Variants in FBXW7 observed in about 807,000 individuals in gnomAD.
FBXW7 encodes F-box and WD repeat domain containing 7.
FBXW7 carries 11 observed loss-of-function variants against 86.3 expected under a neutral mutation model. The ratio of observed to expected loss-of-function variants is 0.13; its 90% CI spans 0.08 to 0.21. The LOEUF is 0.21. FBXW7 is among the 10% of genes least tolerant of loss of function. The pLI is 1.00. For synonymous variants in FBXW7, 313 were observed against 297.9 expected (o/e 1.05, Z -0.52); for missense variants, 488 against 847.4 (o/e 0.58, Z 5.27).
chr4:152,457,943 A>C (rs546496254), intron 2 of FBXW7, among the ~76,000 whole-genome samples: 1 of 152,090 alleles, frequency 6.6e-6, no homozygotes, highest in South Asian at 2.1e-4. Context: ...CTACTAAAAA[A>C]AAAAAAAGTT....
intron 2 of FBXW7, among the ~76,000 whole-genome samples, chr4:152,507,270 T>C (rs1190918522): frequency 1.3e-5 from 2 of 152,174 alleles, no homozygotes; most frequent in Admixed American, 1.3e-4. Flanking sequence ...TTAAAAAAAC[T>C]TCTGAGATCA....
At chr4:152,352,635 C>T (rs1731935127) in intron 4 of FBXW7, 2 of 1,613,528 alleles carry the variant, frequency 1.2e-6, no homozygotes, top group Non-Finnish European at 8.5e-7. Context: ...TGCTCAGGCA[C>T]GTCAGAAAAG....
intron 4 of FBXW7, among the ~76,000 whole-genome samples, chr4:152,371,637 AT>A (rs1734013272): frequency 1.3e-5 from 2 of 152,022 alleles, no homozygotes; most frequent in African/African-American, 4.8e-5. Flanking sequence ...AAAGTGTATA[AT>A]TTAATAAAGG....
Position 152,332,956 on chromosome 4 carries a change from C to T in FBXW7, c.862-237G>A, listed in dbSNP as rs576126161. Among the ~76,000 whole-genome samples, 21 of 152,078 alleles carry T rather than the reference C, an allele frequency of 1.4e-4. No individual in the cohort carries two copies. The South Asian group carries it at 1.9e-3, about 14-fold the overall frequency. On this transcript the variant is annotated intron_variant, in intron 7 of 13. Coordinates refer to ENST00000281708, the MANE Select transcript of FBXW7 (RefSeq NM_001349798.2). ...ACTAACTCTTTACCCTCTTCAAGGA[C>T]TACTTATTAAACCTCTCTGTCTCTG...
chr4:152,346,727 G>T, intron 6 of FBXW7: 1 of 572,142 alleles, frequency 1.7e-6, no homozygotes, highest in Non-Finnish European at 2.9e-6. Flanking sequence ...TGTCTCTATG[G>T]ATTTGCCTAT....
chr4:152,435,608 T>C (rs1288592500), intron 2 of FBXW7, among the ~76,000 whole-genome samples: 2 of 152,216 alleles, frequency 1.3e-5, no homozygotes, highest in Admixed American at 6.5e-5. Flanking sequence ...GATTAGCAAG[T>C]TGTAGATATA....
chr4:152,352,064 C>G (rs185652177), intron 4 of FBXW7, among the ~76,000 whole-genome samples: 132 of 152,002 alleles, frequency 8.7e-4, no homozygotes, highest in Non-Finnish European at 1.0e-3. Flanking sequence ...AAATATAAAT[C>G]CCAAATAGTC....
chr4:152,403,393 G>C (rs1006430449), intron 4 of FBXW7, among the ~76,000 whole-genome samples: 1 of 151,326 alleles, frequency 6.6e-6, no homozygotes, highest in Non-Finnish European at 1.5e-5. Context: ...CAGGATAATC[G>C]CTTGAACCTG....
At chr4:152,505,658 C>T (rs567343029) in intron 2 of FBXW7, among the ~76,000 whole-genome samples, 46 of 152,216 alleles carry the variant, frequency 3.0e-4, no homozygotes, top group Non-Finnish European at 5.6e-4. Flanking sequence ...CAGAGGCAAT[C>T]ACACACATGG....
Position 152,326,078 on chromosome 4 carries a change from C to T in FBXW7, c.1572G>A (p.Lys524=). The T allele has an allele frequency of 6.2e-7, 1 of 1,613,258 alleles. No homozygotes were observed. Among genetic ancestry groups the T allele is most frequent in the Admixed American group, 1.7e-5 (1 of 59,936 alleles). The part of the protein sequence containing the change: ...VVSGAYDFMV[K]VWDPETETCL... ...AGGTTTCAGTCTCTGGATCCCACACCTTTACCATAAAATCATATGCTCCAC... is the reference window on the plus strand; with the variant it reads ...AGGTTTCAGTCTCTGGATCCCACACTTTTACCATAAAATCATATGCTCCAC... The change falls in exon 12 of 14, where the codon AAG becomes AAA. Residue 524 remains lysine, a synonymous_variant. Coordinates refer to ENST00000281708, the MANE Select transcript of FBXW7 (RefSeq NM_001349798.2).
chr4:152,328,574 A>G lies in FBXW7; in HGVS notation c.1237-185T>C. The G allele has an allele frequency of 6.9e-6, 3 of 435,810 alleles. No homozygotes were observed. The South Asian group carries it at 1.8e-4, about 25-fold the overall frequency. 27.0% of individuals were successfully genotyped at this position (435,810 alleles called of 1,614,324 possible). A position where few individuals can be genotyped will look rare whatever the true frequency, so the allele number is the denominator to read the frequency against. The stretch of plus-strand genomic sequence containing the variant: ...TGTTTTGTTTATTCAAAAGCATTAT[A>G]AATTTATATAAGCACAAGCAATTGT... On this transcript the variant is annotated intron_variant, in intron 10 of 13. Coordinates refer to ENST00000281708, the MANE Select transcript of FBXW7 (RefSeq NM_001349798.2).
chr4:152,428,550 G>T (rs993344550), intron 2 of FBXW7, among the ~76,000 whole-genome samples: 1 of 152,190 alleles, frequency 6.6e-6, no homozygotes, highest in Non-Finnish European at 1.5e-5. Flanking sequence ...GATGGATTGT[G>T]CCTGCGAGGC....
intron 2 of FBXW7, among the ~76,000 whole-genome samples, chr4:152,418,515 CTG>C (rs1173945834): frequency 6.6e-6 from 1 of 152,104 alleles, no homozygotes; most frequent in African/African-American, 2.4e-5. Context: ...AGAAAAAAAA[CTG>C]AACAGATTTT....
intron 2 of FBXW7, among the ~76,000 whole-genome samples, chr4:152,524,648 C>T (rs567209295): frequency 2.0e-5 from 3 of 152,178 alleles, no homozygotes; most frequent in South Asian, 2.1e-4. Flanking sequence ...TCAAAACTTC[C>T]GGAGCCACTC....
intron 4 of FBXW7, among the ~76,000 whole-genome samples, chr4:152,395,804 G>A (rs1372130725): frequency 1.1e-4 from 16 of 152,034 alleles, no homozygotes; most frequent in Non-Finnish European, 1.5e-5. Flanking sequence ...CAGTTATTCA[G>A]TTCAAGAATA....
chr4:152,407,411 CCAAA>C (rs1317393164), intron 4 of FBXW7, among the ~76,000 whole-genome samples: 5 of 152,144 alleles, frequency 3.3e-5, no homozygotes, highest in Non-Finnish European at 5.9e-5. Context: ...CATGTATATA[CCAAA>C]CAGACTTTGA....
At chr4:152,341,227 T>G (rs965456767) in intron 6 of FBXW7, among the ~76,000 whole-genome samples, 1 of 152,222 alleles carries the variant, frequency 6.6e-6, no homozygotes, top group African/African-American at 2.4e-5. Flanking sequence ...AGTCCTTAGG[T>G]TGGCCTACAA....
intron 2 of FBXW7, among the ~76,000 whole-genome samples, chr4:152,532,951 C>T (rs1176660798): frequency 6.6e-6 from 1 of 152,152 alleles, no homozygotes; most frequent in African/African-American, 2.4e-5. Context: ...CTTTGGGAGG[C>T]CGAGGTGGGC....
At chr4:152,498,110 T>C (rs1178174377) in intron 2 of FBXW7, among the ~76,000 whole-genome samples, 1 of 152,172 alleles carries the variant, frequency 6.6e-6, no homozygotes, top group Non-Finnish European at 1.5e-5. Context: ...TAATATCTGC[T>C]TGACCCTGAG....
Sources: allele counts gnomAD v4.1 joint callset (sites outside exome capture counted in the v4.1 genomes callset), GRCh38; gene constraint gnomAD v4.1.1; transcripts MANE v1.5; gene names NCBI Gene and HGNC (gene_info 2026-07-23, HGNC 2026-07-21).